The following DRC8 variants were observed in gnomAD, a reference collection of about 807,000 sequenced individuals.
DRC8 encodes dynein regulatory complex protein 8.
the DRC8 span, among the ~76,000 whole-genome samples, chr1:245,059,143 T>G: frequency 6.6e-6 from 1 of 152,256 alleles, no homozygotes; most frequent in South Asian, 2.1e-4. Context: ...TCTTTTTCTT[T>G]CTAGAACTTT....
the DRC8 span, among the ~76,000 whole-genome samples, chr1:245,100,229 A>G: frequency 6.6e-6 from 1 of 152,032 alleles, no homozygotes; most frequent in Non-Finnish European, 1.5e-5. Flanking sequence ...TACTAAAAAT[A>G]CAAAAATTAG....
At chr1:245,035,473 G>T in the DRC8 span, among the ~76,000 whole-genome samples, 2 of 152,130 alleles carry the variant, frequency 1.3e-5, no homozygotes, top group African/African-American at 4.8e-5. Context: ...ATAGAAAAAA[G>T]AATAGTCTTT....
At chr1:244,976,783 G>A in the DRC8 span, among the ~76,000 whole-genome samples, 4 of 152,312 alleles carry the variant, frequency 2.6e-5, no homozygotes, top group East Asian at 3.9e-4. Context: ...GCAGTTCCAC[G>A]TGTGGGTATA....
the DRC8 span, among the ~76,000 whole-genome samples, chr1:245,053,449 G>T: frequency 1.3e-5 from 2 of 152,202 alleles, no homozygotes; most frequent in Non-Finnish European, 2.9e-5. Context: ...AGCTTCCAGG[G>T]CCCCAGAGCT....
At chr1:245,068,135 A>G in the DRC8 span, among the ~76,000 whole-genome samples, 5 of 152,226 alleles carry the variant, frequency 3.3e-5, no homozygotes. Flanking sequence ...TGCCAAAGCC[A>G]TGATCAGCAG....
chr1:245,068,342 C>T, the DRC8 span, among the ~76,000 whole-genome samples: 3 of 152,238 alleles, frequency 2.0e-5, no homozygotes, highest in Admixed American at 2.0e-4. Context: ...TCCAACAATG[C>T]CATCACCTTA....
chr1:245,043,897 A>G, the DRC8 span: 2 of 92,152 alleles, frequency 2.2e-5, no homozygotes, highest in African/African-American at 3.1e-5. Context: ...AATAAATTAT[A>G]TAGACAATTC....
the DRC8 span, chr1:245,083,977 C>T: frequency 8.0e-6 from 2 of 249,346 alleles, no homozygotes; most frequent in South Asian, 1.6e-4. Context: ...AAAAGATATG[C>T]CATCTGGAAA....
At chr1:245,077,417 CATA>C in the DRC8 span, among the ~76,000 whole-genome samples, 4 of 151,898 alleles carry the variant, frequency 2.6e-5, no homozygotes, top group Admixed American at 2.6e-4. Context: ...ACAAGTGTAC[CATA>C]ATAATGTAAG....
chr1:244,985,076 G>GTT, the DRC8 span, among the ~76,000 whole-genome samples: 309 of 130,778 alleles, frequency 2.4e-3, 3 homozygotes, highest in African/African-American at 5.9e-3. Flanking sequence ...TGTCTCCAGG[G>GTT]TTTTTTTTTT....
chr1:245,110,551 G>A, the DRC8 span, among the ~76,000 whole-genome samples: 1,768 of 152,366 alleles, frequency 0.012, 29 homozygotes, highest in African/African-American at 0.04. Flanking sequence ...AAAGAAATAA[G>A]AACATTAACT....
At chr1:245,098,795 C>T in the DRC8 span, among the ~76,000 whole-genome samples, 8 of 152,132 alleles carry the variant, frequency 5.3e-5, no homozygotes, top group South Asian at 2.1e-4. Context: ...GTAGGGAGGC[C>T]GGGGGTCAAG....
chr1:245,059,445 A>T, the DRC8 span: 4 of 1,612,712 alleles, frequency 2.5e-6, no homozygotes, highest in Non-Finnish European at 3.4e-6. Context: ...GAGCTGCATG[A>T]TCTGATTGCA....
At chr1:245,008,252 G>A in the DRC8 span, among the ~76,000 whole-genome samples, 1 of 152,236 alleles carries the variant, frequency 6.6e-6, no homozygotes, top group East Asian at 1.9e-4. Flanking sequence ...AAAACTAGAT[G>A]AGCTTTGGGA....
the DRC8 span, among the ~76,000 whole-genome samples, chr1:245,107,918 C>T: frequency 2.6e-3 from 391 of 152,226 alleles, no homozygotes; most frequent in African/African-American, 8.9e-3. Flanking sequence ...TCAGAAGCTC[C>T]GCGTCCTCCT....
chr1:245,033,395 T>C, the DRC8 span, among the ~76,000 whole-genome samples: 1 of 152,088 alleles, frequency 6.6e-6, no homozygotes. Flanking sequence ...TTGTCTACGT[T>C]GGGAAAAGGA....
At chr1:245,121,960 G>A in the DRC8 span, 145 of 412,994 alleles carry the variant, frequency 3.5e-4, 1 homozygote, top group African/African-American at 2.5e-3. Flanking sequence ...GTGCAGTGGC[G>A]TGATCTTGGC....
At chr1:245,058,165 T>G in the DRC8 span, among the ~76,000 whole-genome samples, 1 of 152,144 alleles carries the variant, frequency 6.6e-6, no homozygotes, top group South Asian at 2.1e-4. Flanking sequence ...CACCTGAGTT[T>G]TGGGAAGTCA....
chr1:244,970,629 G>GCCCGCCGCTCCGC, the DRC8 span: 2 of 473,910 alleles, frequency 4.2e-6, no homozygotes, highest in Non-Finnish European at 6.6e-6. Flanking sequence ...AGCCCGCCCG[G>GCCCGCCGCTCCGC]CCCGCCGCTC....
Sources: gnomAD v4.1 joint callset for allele counts (sites outside exome capture counted in the v4.1 genomes callset) on GRCh38, gnomAD v4.1.1 for gene constraint, MANE v1.5 for transcripts, NCBI Gene and HGNC (gene_info 2026-07-23, HGNC 2026-07-21) for gene names.